CCDC68: variants seen among roughly 807,000 people sequenced by gnomAD.
CCDC68 encodes coiled-coil domain-containing protein 68.
CCDC68 carries 45 observed loss-of-function variants against 47.1 expected under a neutral mutation model. The ratio of observed to expected loss-of-function variants is 0.96; its 90% CI spans 0.75 to 1.23. The LOEUF (loss-of-function observed/expected upper bound fraction) is 1.23. Ranked by LOEUF, CCDC68 falls within the 50% of genes most tolerant of loss-of-function variation. The pLI is 0.00. For missense variants in CCDC68, 353 were observed against 373.6 expected (o/e 0.94, Z 0.45); for synonymous variants, 131 against 129.5 (o/e 1.01, Z -0.08).
chr18:54,924,456 G>A (rs2044113023), intron 8 of CCDC68, among the ~76,000 whole-genome samples: 1 of 152,078 alleles, frequency 6.6e-6, no homozygotes, highest in African/African-American at 2.4e-5. Flanking sequence ...AATGCCAATG[G>A]GGGCAAGCAG....
chr18:54,951,873 G>A (rs1221047011), intron 1 of CCDC68, among the ~76,000 whole-genome samples: 2 of 152,190 alleles, frequency 1.3e-5, no homozygotes, highest in African/African-American at 2.4e-5. Context: ...CACCAGCTGG[G>A]AGGTCTTGGA....
intron 2 of CCDC68, 77 bp from the exon 3 acceptor site, chr18:54,942,880 A>T (rs2044462096): frequency 1.2e-6 from 1 of 821,706 alleles, no homozygotes; most frequent in Non-Finnish European, 2.1e-6. Flanking sequence ...AACTGAAATA[A>T]GTTGTTTTAT....
At chr18:54,906,392 G>T (rs1210720441) in intron 11 of CCDC68, among the ~76,000 whole-genome samples, 1 of 152,120 alleles carries the variant, frequency 6.6e-6, no homozygotes, top group Non-Finnish European at 1.5e-5. Flanking sequence ...CTAATTAATA[G>T]CTGTAGCTAA....
chr18:54,922,895 C>T (rs1372160004), intron 8 of CCDC68, among the ~76,000 whole-genome samples: 1 of 137,526 alleles, frequency 7.3e-6, no homozygotes, highest in Non-Finnish European at 1.5e-5. Context: ...GACTGAGGTA[C>T]AAGAATCGCT....
intron 1 of CCDC68, among the ~76,000 whole-genome samples, chr18:54,958,280 G>T (rs1422659540): frequency 6.6e-6 from 1 of 152,196 alleles, no homozygotes; most frequent in Non-Finnish European, 1.5e-5. Context: ...AATTGGGAGT[G>T]GGGTGGGGAA....
rs375411697 is a variant in CCDC68 at position 54,920,709 on chromosome 18, G to T, written c.684-1333C>A. ...TAAAAAAATAACAGATGTTGGCAAG[G>T]ATGCAGAGAAAAGGGAATGCTTATA... On this transcript the variant is annotated intron_variant, in intron 8 of 11. Coordinates refer to ENST00000591504, the MANE Select transcript of CCDC68 (RefSeq NM_025214.3). 1.7e-3 allele frequency among the ~76,000 whole-genome samples: 260 copies of T among 152,308 alleles called. 1 individual carries two copies. In the South Asian group the frequency reaches 0.024, roughly 14 times the overall value.
At chr18:54,921,172 C>T (rs1599042760) in intron 8 of CCDC68, among the ~76,000 whole-genome samples, 1 of 152,006 alleles carries the variant, frequency 6.6e-6, no homozygotes, top group Admixed American at 6.6e-5. Context: ...AAGAAGGAAA[C>T]AATAGACGCT....
intron 3 of CCDC68, 80 bp from the exon 4 acceptor site, chr18:54,941,163 A>G: frequency 1.1e-6 from 1 of 870,538 alleles, no homozygotes; most frequent in Non-Finnish European, 1.9e-6. Flanking sequence ...GTTACAGGGT[A>G]CCTGATTATC....
At chr18:54,958,926 G>A in intron 1 of CCDC68, among the ~76,000 whole-genome samples, 1 of 152,222 alleles carries the variant, frequency 6.6e-6, no homozygotes, top group East Asian at 1.9e-4. Flanking sequence ...GCAGTGACCT[G>A]TCAAAGCCAC....
chr18:54,920,915 T>C (rs1425555313), intron 8 of CCDC68, among the ~76,000 whole-genome samples: 1 of 152,192 alleles, frequency 6.6e-6, no homozygotes, highest in Non-Finnish European at 1.5e-5. Context: ...CACAGCAGTA[T>C]TCACGACAGC....
At chr18:54,940,191 T>C (rs1015377428) in intron 4 of CCDC68, among the ~76,000 whole-genome samples, 3 of 152,154 alleles carry the variant, frequency 2.0e-5, no homozygotes, top group African/African-American at 7.2e-5. Flanking sequence ...ATCTCTACCC[T>C]GTATCCTGGA....
rs879509903 is a variant in CCDC68 at position 54,945,483 on chromosome 18, G to A, written c.-102-6C>T. On this transcript the variant is annotated splice_polypyrimidine_tract_variant and splice_region_variant and intron_variant, in intron 1 of 11. Coordinates refer to ENST00000591504, the MANE Select transcript of CCDC68 (RefSeq NM_025214.3). ...TCATATTAAGACTGGCTTCCCTGGA[G>A]AGAAACAATAACAACAACAAAATAT... 6.6e-6 allele frequency: 1 copy of A among 151,998 alleles called. No homozygotes were observed. The highest frequency in any genetic ancestry group is 1.5e-5 in the Non-Finnish European group (1 of 68,006). 9.4% of individuals were successfully genotyped at this position (151,998 alleles called of 1,614,324 possible). A position where few individuals can be genotyped will look rare whatever the true frequency, so the allele number is the denominator to read the frequency against.
chr18:54,941,332 A>C (rs1241400698), intron 3 of CCDC68, among the ~76,000 whole-genome samples: 1 of 152,190 alleles, frequency 6.6e-6, no homozygotes, highest in African/African-American at 2.4e-5. Flanking sequence ...ACTTAAGTGA[A>C]TATTATCCCC....
intron 11 of CCDC68, among the ~76,000 whole-genome samples, chr18:54,906,830 A>G (rs759762311): frequency 6.6e-6 from 1 of 152,234 alleles, no homozygotes; most frequent in South Asian, 2.1e-4. Flanking sequence ...CTGGAGGCCA[A>G]AAGATTTTAG....
chr18:54,950,301 G>T (rs1361916870), intron 1 of CCDC68, among the ~76,000 whole-genome samples: 2 of 152,138 alleles, frequency 1.3e-5, no homozygotes, highest in Non-Finnish European at 2.9e-5. Context: ...CGGATAATTC[G>T]GTTATATGAG....
intron 7 of CCDC68, among the ~76,000 whole-genome samples, chr18:54,930,672 T>TTCCTTCCTTCCC (rs1555675801): frequency 5.1e-3 from 50 of 9,830 alleles, no homozygotes; most frequent in Non-Finnish European, 8.1e-3. Context: ...CCTTCCTTCC[T>TTCCTTCCTTCCC]TCCCTCCCTC....
chr18:54,936,708 T>C (rs1227917924), intron 6 of CCDC68, 125 bp downstream of exon 6: 5 of 1,198,876 alleles, frequency 4.2e-6, no homozygotes, highest in Admixed American at 4.0e-5. Context: ...CACCGCTTCT[T>C]TCCCAAGTCT....
intron 2 of CCDC68, chr18:54,943,098 G>A: frequency 4.1e-6 from 1 of 244,696 alleles, no homozygotes; most frequent in Non-Finnish European, 7.8e-6. Flanking sequence ...ATCTCAGACT[G>A]TAAAAAGGAA....
intron 2 of CCDC68, 29 bp downstream of exon 2, chr18:54,945,359 A>G (rs915150852): frequency 2.6e-5 from 4 of 152,144 alleles, no homozygotes; most frequent in Admixed American, 6.5e-5. Flanking sequence ...AGAAGCCAAG[A>G]CTCCACTCCC....
Sources: gnomAD v4.1 joint callset for allele counts (sites outside exome capture counted in the v4.1 genomes callset) on GRCh38, gnomAD v4.1.1 for gene constraint, MANE v1.5 for transcripts, NCBI Gene and HGNC (gene_info 2026-07-23, HGNC 2026-07-21) for gene names.